Variants in RASSF5 observed in about 807,000 individuals in gnomAD.
RASSF5 encodes the protein ras association domain-containing protein 5.
RASSF5 carries 25 observed loss-of-function variants against 40.5 expected under a neutral mutation model. The ratio of observed to expected loss-of-function variants is 0.62; its 90% CI spans 0.45 to 0.86. The LOEUF (loss-of-function observed/expected upper bound fraction) is 0.86. RASSF5 is among the 40% of genes least tolerant of loss of function. The probability of loss-of-function intolerance (pLI) is 0.00; values close to 1 mark genes in which losing one functional copy is unlikely to be tolerated. For synonymous variants in RASSF5, 246 were observed against 252.4 expected, an observed-to-expected ratio of 0.97 and a Z score of 0.24; for missense variants, 521 against 572.8, an observed-to-expected ratio of 0.91 and a Z score of 0.92.
rs73080928 is a variant in RASSF5 at position 206,561,064 on chromosome 1, T to G, written c.580-22205T>G. On this transcript the variant is annotated intron_variant, in intron 2 of 5. Coordinates refer to ENST00000579436, the MANE Select transcript of RASSF5 (RefSeq NM_182663.4). ...CGGGAACACAGGCGTTCTGAACTCT[T>G]GGCATGTTAAACAGGCTCTGGGACC... Among the ~76,000 whole-genome samples the G allele has an allele frequency of 5.6e-3, 853 of 152,316 alleles. 11 individuals are homozygous for G. Among genetic ancestry groups the G allele is most frequent in the African/African-American group, 0.019 (794 of 41,574 alleles).
At chr1:206,559,116 G>A (rs898756260) in intron 2 of RASSF5, among the ~76,000 whole-genome samples, 1 of 152,212 alleles carries the variant, frequency 6.6e-6, no homozygotes, top group African/African-American at 2.4e-5. Flanking sequence ...AAATGGCCTG[G>A]GGTACAGCCT....
intron 1 of RASSF5, among the ~76,000 whole-genome samples, chr1:206,521,259 T>C (rs782691395): frequency 6.6e-6 from 1 of 152,124 alleles, no homozygotes; most frequent in Non-Finnish European, 1.5e-5. Flanking sequence ...AAGAAACCTT[T>C]GTGTGTCTCC....
At position 206,584,136 on chromosome 1, in the gene RASSF5, C is replaced by T. The variant is rs1185979675; in HGVS notation, c.691-251C>T. On this transcript the variant is annotated intron_variant, in intron 3 of 5. Transcript: ENST00000579436. This position sits in a 1 kb window ranked among gnomAD's most constrained non-coding sequence, Gnocchi z 4.9. ...GGTTACAGGAGGTTTAGGGAGCTGG[C>T]CTGAGCCTCCTGGGAGGGAAATCCA... 6.6e-6 allele frequency among the ~76,000 whole-genome samples: 1 copy of T among 152,182 alleles called. No individual in the cohort carries two copies. Among genetic ancestry groups the T allele is most frequent in the Non-Finnish European group, 1.5e-5 (1 of 68,036 alleles).
intron 1 of RASSF5, chr1:206,518,406 G>A: frequency 2.5e-6 from 1 of 398,710 alleles, no homozygotes; most frequent in Non-Finnish European, 4.4e-6. Context: ...GGGCCAGGAG[G>A]AGAAGGCAAC....
intron 2 of RASSF5, among the ~76,000 whole-genome samples, chr1:206,554,782 T>C (rs1667939190): frequency 1.3e-5 from 2 of 152,230 alleles, no homozygotes; most frequent in South Asian, 2.1e-4. Context: ...GGCTTCAGTC[T>C]GGATTTTTCC....
intron 1 of RASSF5, among the ~76,000 whole-genome samples, chr1:206,526,619 A>T (rs1299380011): frequency 1.3e-5 from 2 of 152,044 alleles, no homozygotes; most frequent in African/African-American, 4.8e-5. Context: ...CTTGACTATC[A>T]CAGTCTCTCC....
intron 1 of RASSF5, among the ~76,000 whole-genome samples, chr1:206,517,008 G>GCCA (rs1341775200): frequency 2.8e-4 from 42 of 152,250 alleles, no homozygotes; most frequent in African/African-American, 9.6e-4. Flanking sequence ...ACTAGAGAGG[G>GCCA]CCACAACAAA....
chr1:206,583,712 A>G (rs1553406875), intron 3 of RASSF5: 2 of 306,014 alleles, frequency 6.5e-6, no homozygotes, highest in East Asian at 8.4e-5. Flanking sequence ...AGCCAGGACA[A>G]TGGGACTTAG....
chr1:206,551,272 T>G (rs782475969), intron 2 of RASSF5, among the ~76,000 whole-genome samples: 1 of 152,200 alleles, frequency 6.6e-6, no homozygotes, highest in Non-Finnish European at 1.5e-5. Context: ...CTTCCCTTGA[T>G]AAGAAGCTAA....
intron 1 of RASSF5, among the ~76,000 whole-genome samples, chr1:206,512,128 A>C (rs1315922216): frequency 5.3e-5 from 8 of 152,036 alleles, no homozygotes; most frequent in Non-Finnish European, 1.2e-4. Context: ...GAAGCACAGA[A>C]ATGGAAATTT....
intron 2 of RASSF5, chr1:206,544,145 G>C (rs1667616372): frequency 6.6e-6 from 1 of 152,194 alleles, no homozygotes; most frequent in African/African-American, 2.4e-5. Context: ...TCCAGATTGT[G>C]TAGACGAAAT....
At chr1:206,528,663 C>T (rs1553397541) in intron 1 of RASSF5, among the ~76,000 whole-genome samples, 4 of 151,982 alleles carry the variant, frequency 2.6e-5, no homozygotes, top group Admixed American at 2.0e-4. Context: ...TATGTAGGGG[C>T]AGGGGGTATA....
intron 1 of RASSF5, among the ~76,000 whole-genome samples, chr1:206,528,580 G>A (rs115729850): frequency 0.012 from 1,752 of 152,262 alleles, 35 homozygotes; most frequent in African/African-American, 0.04. Flanking sequence ...TGATGAATCA[G>A]TGTAGGTTCA....
At chr1:206,549,577 C>T (rs1175258346) in intron 2 of RASSF5, among the ~76,000 whole-genome samples, 1 of 152,078 alleles carries the variant, frequency 6.6e-6, no homozygotes, top group African/African-American at 2.4e-5. Context: ...CTCCCAAAGT[C>T]CTGGGATTAC....
At chr1:206,524,417 T>C (rs1470331144) in intron 1 of RASSF5, among the ~76,000 whole-genome samples, 1 of 141,744 alleles carries the variant, frequency 7.1e-6, no homozygotes, top group Non-Finnish European at 1.5e-5. Flanking sequence ...TAATACATTT[T>C]ATATATTATA....
At chr1:206,553,449 T>C (rs1667901679) in intron 2 of RASSF5, among the ~76,000 whole-genome samples, 1 of 152,052 alleles carries the variant, frequency 6.6e-6, no homozygotes, top group Non-Finnish European at 1.5e-5. Flanking sequence ...TAATCTCAGT[T>C]AATGGCACTC....
chr1:206,526,303 GGC>G (rs1667097281), intron 1 of RASSF5, among the ~76,000 whole-genome samples: 2 of 40,496 alleles, frequency 4.9e-5, no homozygotes, highest in African/African-American at 2.2e-4. Context: ...TTGGAGTTGG[GGC>G]TGGGGTTGTG....
intron 2 of RASSF5, among the ~76,000 whole-genome samples, chr1:206,562,369 T>A (rs1668168408): frequency 6.6e-6 from 1 of 152,192 alleles, no homozygotes. Flanking sequence ...ATTTCAGCAA[T>A]AAAAATAAAA....
chr1:206,563,766 TCA>T (rs1668213496), intron 2 of RASSF5, among the ~76,000 whole-genome samples: 1 of 152,204 alleles, frequency 6.6e-6, no homozygotes, highest in Non-Finnish European at 1.5e-5. Flanking sequence ...AGAGAATGTG[TCA>T]CAGATTCCTA....
Sources: gnomAD v4.1 joint callset for allele counts (sites outside exome capture counted in the v4.1 genomes callset) on GRCh38, gnomAD v4.1.1 for gene constraint, Gnocchi (gnomAD v3.1) non-coding constraint, MANE v1.5 for transcripts, NCBI Gene and HGNC (gene_info 2026-07-23, HGNC 2026-07-21) for gene names.